The following CLNK variants were observed in gnomAD, a reference collection of about 807,000 sequenced individuals.
The protein encoded by CLNK is cytokine dependent hematopoietic cell linker, also known as cytokine-dependent hematopoietic cell linker.
A neutral mutation model predicts 68.6 loss-of-function variants in CLNK; 74 were observed. That is an observed-to-expected ratio of 1.08 (90% CI 0.89 to 1.31). CLNK has a LOEUF of 1.31. Among genes scored for constraint, CLNK ranks in the 50% most tolerant of loss-of-function variants. The pLI, the probability that CLNK is intolerant of heterozygous loss-of-function variation, is 0.00. For missense variants in CLNK, 553 were observed against 515.3 expected (o/e 1.07, Z -0.71); for synonymous variants, 198 against 172.2 (o/e 1.15, Z -1.17).
At chr4:10,698,691 A>C in the CLNK span, among the ~76,000 whole-genome samples, 10 of 152,320 alleles carry the variant, frequency 6.6e-5, no homozygotes, top group South Asian at 1.2e-3. Flanking sequence ...GTAGTGAAAG[A>C]GCTCTTGTGA....
chr4:10,720,520 A>T, the CLNK span, among the ~76,000 whole-genome samples: 110 of 152,072 alleles, frequency 7.2e-4, no homozygotes, highest in East Asian at 0.016. Flanking sequence ...AATGAAAATT[A>T]AAAAACTGCA....
intron 11 of CLNK, among the ~76,000 whole-genome samples, chr4:10,538,893 G>A (rs907887965): frequency 2.0e-5 from 3 of 152,156 alleles, no homozygotes; most frequent in African/African-American, 7.2e-5. Flanking sequence ...AAATAGGTTG[G>A]TTAAAAATAG....
intron 4 of CLNK, among the ~76,000 whole-genome samples, chr4:10,582,483 C>A (rs140738995): frequency 6.6e-6 from 1 of 152,216 alleles, no homozygotes; most frequent in East Asian, 1.9e-4. Context: ...TACGTGGAGG[C>A]TTAAGACAGA....
At chr4:10,586,190 G>T (rs934016832) in intron 3 of CLNK, among the ~76,000 whole-genome samples, 2 of 152,118 alleles carry the variant, frequency 1.3e-5, no homozygotes, top group Non-Finnish European at 2.9e-5. Flanking sequence ...GACCAGTACT[G>T]GTTCGTGGCC....
At chr4:10,697,820 G>A in the CLNK span, among the ~76,000 whole-genome samples, 5 of 152,100 alleles carry the variant, frequency 3.3e-5, no homozygotes, top group African/African-American at 7.2e-5. Context: ...CTACTCATTC[G>A]AACAATAGCC....
intron 1 of CLNK, among the ~76,000 whole-genome samples, chr4:10,674,747 A>T (rs1250569740): frequency 6.6e-6 from 1 of 152,120 alleles, no homozygotes; most frequent in Non-Finnish European, 1.5e-5. Context: ...GGTCTCAATG[A>T]TTATATTTGA....
At chr4:10,553,477 A>G (rs759774088) in intron 8 of CLNK, among the ~76,000 whole-genome samples, 12 of 151,068 alleles carry the variant, frequency 7.9e-5, no homozygotes, top group Non-Finnish European at 1.6e-4. Context: ...TCTGATACAG[A>G]GTCTTGCTCT....
chr4:10,608,826 T>C (rs757751304), intron 2 of CLNK, among the ~76,000 whole-genome samples: 4 of 152,192 alleles, frequency 2.6e-5, no homozygotes, highest in African/African-American at 4.8e-5. Flanking sequence ...CATAGTTCTG[T>C]AGGCTGAAAA....
chr4:10,713,981 C>T, the CLNK span, among the ~76,000 whole-genome samples: 2 of 152,154 alleles, frequency 1.3e-5, no homozygotes, highest in Admixed American at 1.3e-4. Flanking sequence ...GGCAGCAGCT[C>T]GAAACATTAT....
intron 4 of CLNK, among the ~76,000 whole-genome samples, chr4:10,580,831 AT>A (rs2108834361): frequency 6.6e-6 from 1 of 152,292 alleles, no homozygotes; most frequent in East Asian, 1.9e-4. Flanking sequence ...CCTAAGGTTA[AT>A]TTATTATTGA....
intron 5 of CLNK, among the ~76,000 whole-genome samples, chr4:10,569,121 C>G (rs1200260986): frequency 6.6e-6 from 1 of 150,466 alleles, no homozygotes; most frequent in African/African-American, 2.5e-5. Flanking sequence ...AATGTATAGT[C>G]AAGAAAATTC....
chr4:10,496,212 C>T (rs1012067942), intron 18 of CLNK, among the ~76,000 whole-genome samples: 9 of 152,218 alleles, frequency 5.9e-5, no homozygotes, highest in Admixed American at 3.9e-4. Context: ...AGCTACAAAA[C>T]TACATGAAAT....
intron 8 of CLNK, among the ~76,000 whole-genome samples, chr4:10,553,656 G>A (rs749152261): frequency 6.6e-6 from 1 of 152,082 alleles, no homozygotes; most frequent in Non-Finnish European, 1.5e-5. Flanking sequence ...GTGTCACCAC[G>A]TTGGCCGGGC....
intron 2 of CLNK, 131 bp downstream of exon 2, chr4:10,667,728 T>C (rs1724455001): frequency 8.7e-6 from 6 of 685,760 alleles, no homozygotes; most frequent in South Asian, 2.7e-5. Context: ...ATCTCAACCA[T>C]GGCCTCTCAG....
At chr4:10,670,199 AG>A (rs1314680676) in intron 1 of CLNK, among the ~76,000 whole-genome samples, 2 of 152,250 alleles carry the variant, frequency 1.3e-5, no homozygotes, top group Non-Finnish European at 2.9e-5. Flanking sequence ...AGCAAAGCAA[AG>A]TTTGCAAGTT....
intron 2 of CLNK, among the ~76,000 whole-genome samples, chr4:10,661,541 G>A (rs956220981): frequency 3.9e-5 from 6 of 152,184 alleles, no homozygotes; most frequent in African/African-American, 7.2e-5. Context: ...ATGGAATGCT[G>A]TTTTAGTGCT....
the CLNK span, among the ~76,000 whole-genome samples, chr4:10,699,293 C>CACACACATACACACCACGTATGTGTGT: frequency 1.3e-4 from 2 of 15,682 alleles, no homozygotes; most frequent in Admixed American, 7.3e-4. Context: ...TACGTGTATA[C>CACACACATACACACCACGTATGTGTGT]ACACACACAC....
intron 11 of CLNK, among the ~76,000 whole-genome samples, chr4:10,539,878 C>T (rs1344598846): frequency 2.6e-5 from 4 of 152,212 alleles, no homozygotes; most frequent in Non-Finnish European, 5.9e-5. Context: ...TATGCTGATT[C>T]TGTTCTGGCA....
chr4:10,730,363 T>C, the CLNK span, among the ~76,000 whole-genome samples: 1 of 152,340 alleles, frequency 6.6e-6, no homozygotes, highest in Non-Finnish European at 1.5e-5. Context: ...GTTGGTCTAT[T>C]GTCAAGTCGT....
Sources: allele counts gnomAD v4.1 joint callset (sites outside exome capture counted in the v4.1 genomes callset), GRCh38; gene constraint gnomAD v4.1.1; transcripts MANE v1.5; gene names NCBI Gene and HGNC (gene_info 2026-07-23, HGNC 2026-07-21).